The following CNTN5 variants were observed in gnomAD, a reference collection of about 807,000 sequenced individuals.
CNTN5 encodes the protein contactin-5.
Under a neutral mutation model 129.1 loss-of-function variants are expected in CNTN5, and 77 were observed. That is an observed-to-expected ratio of 0.60 (90% confidence interval 0.50 to 0.72). The LOEUF is 0.72. Ranked by LOEUF, CNTN5 falls within the 30% of genes least tolerant of loss-of-function variation. The probability of loss-of-function intolerance (pLI) is 0.00; values close to 1 mark genes in which losing one functional copy is unlikely to be tolerated. For missense variants in CNTN5, 1,478 were observed against 1,328.8 expected (o/e 1.11, Z -1.75); for synonymous variants, 509 against 465.6 (o/e 1.09, Z -1.20).
intron 15 of CNTN5, among the ~76,000 whole-genome samples, chr11:100,222,381 A>T (rs1013422099): frequency 2.6e-5 from 4 of 152,158 alleles, no homozygotes; most frequent in African/African-American, 9.7e-5. Context: ...ACATTTTTGT[A>T]ATTTTAATTA....
rs190110023 is a variant in CNTN5, at chr11:99,844,661, A to C, written c.278-191A>C. The C allele has an allele frequency of 7.4e-4, 433 of 584,658 alleles. 2 individuals carry two copies. Among genetic ancestry groups the C allele is most frequent in the African/African-American group, 7.3e-3 (386 of 52,634 alleles). 36.2% of individuals were successfully genotyped at this position (584,658 alleles called of 1,614,324 possible). A position where few individuals can be genotyped will look rare whatever the true frequency, so the allele number is the denominator to read the frequency against. On this transcript the variant is annotated intron_variant, in intron 4 of 24. Transcript: ENST00000524871. Reference sequence around the variant, plus strand: ...GTTTAACAGCATTTTTAGTTGATTAAAAATTATATTTGGTTCTTTACAATT... The same window carrying C: ...GTTTAACAGCATTTTTAGTTGATTACAAATTATATTTGGTTCTTTACAATT...
chr11:99,288,013 G>C (rs1251429877), intron 1 of CNTN5, among the ~76,000 whole-genome samples: 1 of 151,880 alleles, frequency 6.6e-6, no homozygotes, highest in African/African-American at 2.4e-5. Flanking sequence ...TCTTCACTTT[G>C]GTATGTTCAG....
intron 8 of CNTN5, among the ~76,000 whole-genome samples, chr11:99,971,750 A>G (rs1360719228): frequency 6.6e-6 from 1 of 151,932 alleles, no homozygotes; most frequent in Non-Finnish European, 1.5e-5. Flanking sequence ...ATGTTTTGTT[A>G]TGGCTAAAGT....
At chr11:99,178,063 T>C (rs927551546) in intron 1 of CNTN5, among the ~76,000 whole-genome samples, 33 of 152,128 alleles carry the variant, frequency 2.2e-4, no homozygotes, top group African/African-American at 7.5e-4. Context: ...CACTATCGAT[T>C]ATGTAACCGT....
At chr11:99,820,144 G>C (rs957876984) in intron 4 of CNTN5, among the ~76,000 whole-genome samples, 5 of 147,760 alleles carry the variant, frequency 3.4e-5, no homozygotes, top group Non-Finnish European at 6.0e-5. Flanking sequence ...TGTGTTGGTT[G>C]TAAGTTAGTC....
At chr11:99,802,290 G>C (rs1218987) in intron 3 of CNTN5, among the ~76,000 whole-genome samples, 89,159 of 152,004 alleles carry the variant, frequency 0.59, 26,766 homozygotes, top group East Asian at 0.72. Context: ...TTAGGAGATT[G>C]TCTCTGCTGC....
intron 6 of CNTN5, among the ~76,000 whole-genome samples, chr11:99,857,763 T>C (rs1948084518): frequency 6.6e-6 from 1 of 152,166 alleles, no homozygotes; most frequent in Non-Finnish European, 1.5e-5. Flanking sequence ...GATGTGATCC[T>C]AAGTGCAGAG....
intron 6 of CNTN5, among the ~76,000 whole-genome samples, chr11:99,897,875 A>G (rs1185312605): frequency 6.6e-6 from 1 of 152,188 alleles, no homozygotes; most frequent in East Asian, 1.9e-4. Flanking sequence ...ATAAGATCTA[A>G]TGATCTGCTG....
rs149803221 is a variant in CNTN5, at chr11:99,279,403, A to G, written c.-209-45943A>G. Among the ~76,000 whole-genome samples, 372 of 151,972 alleles carry G rather than the reference A, an allele frequency of 2.4e-3. 1 individual carries two copies. Among genetic ancestry groups the G allele is most frequent in the African/African-American group, 8.3e-3 (346 of 41,520 alleles). On this transcript the variant is annotated intron_variant, in intron 1 of 24. Coordinates refer to ENST00000524871, the MANE Select transcript of CNTN5 (RefSeq NM_014361.4). Reference sequence around the variant, plus strand: ...GTTGAAACTTGCTATGCTGCACTGAATTCTAAGACAGACTAATCAATCTAA... The same window carrying G: ...GTTGAAACTTGCTATGCTGCACTGAGTTCTAAGACAGACTAATCAATCTAA...
intron 3 of CNTN5, among the ~76,000 whole-genome samples, chr11:99,662,180 A>C (rs532354416): frequency 3.3e-5 from 5 of 152,278 alleles, no homozygotes; most frequent in Middle Eastern, 3.4e-3. Context: ...ACTTTTACTA[A>C]GTACTGAGAA....
intron 7 of CNTN5, among the ~76,000 whole-genome samples, chr11:99,933,251 A>G (rs77257707): frequency 1.2e-4 from 19 of 152,324 alleles, no homozygotes; most frequent in Middle Eastern, 3.4e-3. Context: ...AGGAATTTCA[A>G]TTAATGTTCT....
chr11:99,103,383 A>G (rs1490992880), intron 1 of CNTN5, among the ~76,000 whole-genome samples: 2 of 152,184 alleles, frequency 1.3e-5, no homozygotes, highest in South Asian at 2.1e-4. Flanking sequence ...TCTCACCCCT[A>G]TGCCATGCTG....
At chr11:99,658,645 G>GAGAAT (rs1555067196) in intron 3 of CNTN5, among the ~76,000 whole-genome samples, 31 of 148,748 alleles carry the variant, frequency 2.1e-4, no homozygotes, top group South Asian at 8.7e-4. Flanking sequence ...GCTGAGACAG[G>GAGAAT]TGGATCACCT....
chr11:100,204,900 TG>T (rs562556903), intron 15 of CNTN5, among the ~76,000 whole-genome samples: 1 of 152,006 alleles, frequency 6.6e-6, no homozygotes, highest in Non-Finnish European at 1.5e-5. Context: ...TAATTTAACC[TG>T]GAGAATGATG....
At chr11:99,267,910 ACACACACACG>A (rs1189808089) in intron 1 of CNTN5, among the ~76,000 whole-genome samples, 4 of 108,808 alleles carry the variant, frequency 3.7e-5, no homozygotes, top group African/African-American at 1.5e-4. Flanking sequence ...AAGTAAACAC[ACACACACACG>A]CACACACACA....
chr11:99,523,644 TAGAATAGAA>T (rs1947360562), intron 2 of CNTN5, among the ~76,000 whole-genome samples: 12 of 82,132 alleles, frequency 1.5e-4, no homozygotes, highest in Admixed American at 6.5e-4. Flanking sequence ...TAGAATAGAA[TAGAATAGAA>T]CAGAACAGAT....
intron 2 of CNTN5, among the ~76,000 whole-genome samples, chr11:99,459,611 T>G (rs1319660404): frequency 1.3e-5 from 2 of 152,044 alleles, no homozygotes; most frequent in Non-Finnish European, 1.5e-5. Context: ...TGAAATGATA[T>G]GAACTCAAGA....
chr11:100,068,231 C>T (rs909546713), intron 10 of CNTN5, among the ~76,000 whole-genome samples: 1 of 152,066 alleles, frequency 6.6e-6, no homozygotes, highest in African/African-American at 2.4e-5. Flanking sequence ...TTCTAACCAA[C>T]TAAAATATTA....
At chr11:99,569,449 G>A (rs545350389) in intron 3 of CNTN5, among the ~76,000 whole-genome samples, 18 of 152,250 alleles carry the variant, frequency 1.2e-4, no homozygotes, top group Non-Finnish European at 2.5e-4. Flanking sequence ...GAGTAGCTGG[G>A]ATTACAGGTG....
Sources: allele counts gnomAD v4.1 joint callset (sites outside exome capture counted in the v4.1 genomes callset), GRCh38; gene constraint gnomAD v4.1.1; transcripts MANE v1.5; gene names NCBI Gene and HGNC (gene_info 2026-07-23, HGNC 2026-07-21).